C8orf34: variants seen among roughly 807,000 people sequenced by gnomAD.
The protein encoded by C8orf34 is chromosome 8 open reading frame 34, also known as uncharacterized protein C8orf34.
C8orf34 carries 65 observed loss-of-function variants against 68.3 expected under a neutral mutation model. That is an observed-to-expected ratio of 0.95 (90% CI 0.78 to 1.17). The LOEUF (loss-of-function observed/expected upper bound fraction) is 1.17, where lower values mean the gene tolerates loss of function less well. C8orf34 is among the 50% of genes most tolerant of loss of function. The pLI is 0.00. For synonymous variants in C8orf34, 244 were observed against 241.2 expected (o/e 1.01, Z -0.11); for missense variants, 664 against 655.4 (o/e 1.01, Z -0.14).
At chr8:68,570,356 A>T (rs1046080147) in intron 7 of C8orf34, among the ~76,000 whole-genome samples, 1 of 152,226 alleles carries the variant, frequency 6.6e-6, no homozygotes. Flanking sequence ...ACAGTCAACC[A>T]TGGGAACAAT....
intron 1 of C8orf34, among the ~76,000 whole-genome samples, chr8:68,425,761 T>C (rs576699347): frequency 6.7e-6 from 1 of 148,720 alleles, no homozygotes; most frequent in South Asian, 2.1e-4. Context: ...GAGAAACCAC[T>C]CTTCCTGATT....
chr8:68,689,964 G>A (rs1820638467), intron 8 of C8orf34, among the ~76,000 whole-genome samples: 1 of 151,940 alleles, frequency 6.6e-6, no homozygotes, highest in African/African-American at 2.4e-5. Flanking sequence ...TTGCTACTGT[G>A]CAATGCTGCC....
At chr8:68,523,969 C>T (rs1003968227) in intron 6 of C8orf34, among the ~76,000 whole-genome samples, 2 of 152,150 alleles carry the variant, frequency 1.3e-5, no homozygotes, top group Non-Finnish European at 2.9e-5. Flanking sequence ...TTTTTGTTGT[C>T]GTTTGACATC....
intron 1 of C8orf34, among the ~76,000 whole-genome samples, chr8:68,401,861 T>TTGTGTGTGTGTG (rs34713905): frequency 5.4e-5 from 8 of 148,954 alleles, no homozygotes; most frequent in African/African-American, 2.0e-4. Context: ...CAGTTCTCTT[T>TTGTGTGTGTGTG]TGTGTGTGTG....
At chr8:68,608,347 G>T (rs1040482432) in intron 7 of C8orf34, among the ~76,000 whole-genome samples, 1 of 151,986 alleles carries the variant, frequency 6.6e-6, no homozygotes, top group African/African-American at 2.4e-5. Context: ...AACTAAGCAT[G>T]TAAACTTGAG....
At chr8:68,394,194 C>T (rs1197783449) in intron 1 of C8orf34, among the ~76,000 whole-genome samples, 8 of 150,874 alleles carry the variant, frequency 5.3e-5, no homozygotes, top group Non-Finnish European at 1.0e-4. Flanking sequence ...CCCACTAACT[C>T]GTCATCTAAC....
At chr8:68,355,382 C>G (rs560149843) in intron 1 of C8orf34, among the ~76,000 whole-genome samples, 1 of 152,256 alleles carries the variant, frequency 6.6e-6, no homozygotes, top group Non-Finnish European at 1.5e-5. Flanking sequence ...GATTTAATCT[C>G]TGTTAACATT....
intron 7 of C8orf34, among the ~76,000 whole-genome samples, chr8:68,602,483 A>G (rs1177326160): frequency 6.6e-6 from 1 of 152,182 alleles, no homozygotes; most frequent in East Asian, 1.9e-4. Flanking sequence ...GCCCCTTATA[A>G]AACCATCAGA....
chr8:68,694,717 G>T (rs940910513), intron 8 of C8orf34, among the ~76,000 whole-genome samples: 1 of 151,768 alleles, frequency 6.6e-6, no homozygotes, highest in South Asian at 2.1e-4. Context: ...CCACATCTGG[G>T]GGCTTCTTAG....
chr8:68,335,101 G>A (rs987357385), intron 1 of C8orf34, among the ~76,000 whole-genome samples: 10 of 152,248 alleles, frequency 6.6e-5, no homozygotes, highest in African/African-American at 7.2e-5. Context: ...GATCACAGCC[G>A]TGGGCTACCT....
intron 7 of C8orf34, chr8:68,535,917 C>T: frequency 1.0e-6 from 1 of 954,292 alleles, no homozygotes; most frequent in African/African-American, 1.8e-5. Flanking sequence ...CAAGTCATCT[C>T]ATGCTCAAAT....
intron 7 of C8orf34, among the ~76,000 whole-genome samples, chr8:68,562,796 G>C (rs938260099): frequency 6.6e-6 from 1 of 152,166 alleles, no homozygotes; most frequent in Non-Finnish European, 1.5e-5. Flanking sequence ...TCCTTAAGTG[G>C]TACGACTTGT....
intron 8 of C8orf34, among the ~76,000 whole-genome samples, chr8:68,671,455 A>T (rs1337191452): frequency 6.6e-6 from 1 of 152,196 alleles, no homozygotes; most frequent in East Asian, 1.9e-4. Flanking sequence ...AGCTAAGTAA[A>T]TAGTAAAGGC....
At chr8:68,731,241 G>C (rs917212054) in intron 10 of C8orf34, among the ~76,000 whole-genome samples, 11 of 152,156 alleles carry the variant, frequency 7.2e-5, no homozygotes, top group African/African-American at 2.7e-4. Flanking sequence ...CCCTACAGAA[G>C]CTTACACATT....
intron 7 of C8orf34, among the ~76,000 whole-genome samples, chr8:68,622,192 T>C (rs1238921335): frequency 3.3e-5 from 5 of 152,230 alleles, no homozygotes; most frequent in Non-Finnish European, 5.9e-5. Context: ...TTCACACAAG[T>C]GTGCAAGCCA....
At chr8:68,555,108 C>T (rs758319066) in intron 7 of C8orf34, among the ~76,000 whole-genome samples, 17 of 151,794 alleles carry the variant, frequency 1.1e-4, no homozygotes, top group Admixed American at 5.9e-4. Context: ...TTACTGATTT[C>T]TATTGTTTTG....
intron 7 of C8orf34, among the ~76,000 whole-genome samples, chr8:68,537,055 C>T (rs1446029818): frequency 6.6e-6 from 1 of 152,062 alleles, no homozygotes; most frequent in African/African-American, 2.4e-5. Flanking sequence ...TTCTGATCAA[C>T]TTTTATAAAG....
rs111686274 is a variant in C8orf34 at position 68,330,971 on chromosome 8, C to A, written c.-42C>A. On this transcript the variant is annotated 5_prime_UTR_variant, in exon 1 of 14. Transcript: ENST00000518698. ...AATTTCCCCACTGCGCCGGGCGCTGCGGAGAGCGGCGAGGGTGGGCGCGAG... is the reference window on the plus strand; with the variant it reads ...AATTTCCCCACTGCGCCGGGCGCTGAGGAGAGCGGCGAGGGTGGGCGCGAG... 1.8e-3 allele frequency: 2,399 copies of A among 1,335,344 alleles called. 39 individuals carry two copies. The African/African-American group carries it at 0.034, about 19-fold the overall frequency. 82.7% of individuals were successfully genotyped at this position (1,335,344 alleles called of 1,614,324 possible).
chr8:68,652,628 A>C (rs1444422922), intron 8 of C8orf34, among the ~76,000 whole-genome samples: 1 of 152,140 alleles, frequency 6.6e-6, no homozygotes, highest in Non-Finnish European at 1.5e-5. Flanking sequence ...CTTTTGCATG[A>C]TATCCATTGC....
Sources: allele counts gnomAD v4.1 joint callset (sites outside exome capture counted in the v4.1 genomes callset), GRCh38; gene constraint gnomAD v4.1.1; transcripts MANE v1.5; gene names NCBI Gene and HGNC (gene_info 2026-07-23, HGNC 2026-07-21).